The following DYM variants were observed in gnomAD, a reference collection of about 807,000 sequenced individuals.
DYM encodes the protein dyggve-Melchior-Clausen syndrome protein.
In DYM, 78 loss-of-function variants were observed where a neutral mutation model predicts 93.1. The ratio of observed to expected loss-of-function variants is 0.84; its 90% CI spans 0.70 to 1.01. DYM has a LOEUF of 1.01. Among genes scored for constraint, DYM ranks in the 50% least tolerant of loss-of-function variants. The pLI, the probability that DYM is intolerant of heterozygous loss-of-function variation, is 0.00. For synonymous variants in DYM, 321 were observed against 319.7 expected, an observed-to-expected ratio of 1.00 and a Z score of -0.04; for missense variants, 789 against 845.0, an observed-to-expected ratio of 0.93 and a Z score of 0.82.
chr18:49,096,817 A>C (rs2079589491), intron 17 of DYM, among the ~76,000 whole-genome samples: 1 of 152,322 alleles, frequency 6.6e-6, no homozygotes, highest in South Asian at 2.1e-4. Flanking sequence ...GGCACACAGT[A>C]AACAGTGCAG....
At chr18:49,392,210 C>A (rs1232323766) in intron 2 of DYM, among the ~76,000 whole-genome samples, 1 of 151,974 alleles carries the variant, frequency 6.6e-6, no homozygotes, top group Non-Finnish European at 1.5e-5. Context: ...CAAGATGACA[C>A]AGAGAAAAGA....
At chr18:49,279,888 T>C (rs565239494) in intron 10 of DYM, among the ~76,000 whole-genome samples, 2 of 152,364 alleles carry the variant, frequency 1.3e-5, no homozygotes, top group East Asian at 3.9e-4. Context: ...GTCAATCTGA[T>C]GTAGAATACA....
chr18:49,041,180 T>C lies in DYM; in HGVS notation c.*2875A>G, dbSNP rs2070900904. Among the ~76,000 whole-genome samples, 1 of 152,198 alleles carries C rather than the reference T, an allele frequency of 6.6e-6. No homozygotes were observed. Among genetic ancestry groups the C allele is most frequent in the African/African-American group, 2.4e-5 (1 of 41,436 alleles). On this transcript the variant is annotated 3_prime_UTR_variant, in exon 18 of 18. Transcript: ENST00000675505. ...GTTCATAGATTGTATGACACCAGCC[T>C]CAACGGGTGACTGTGGGAACTAGAG...
chr18:49,412,354 C>G (rs2072357020), intron 2 of DYM, among the ~76,000 whole-genome samples: 1 of 152,020 alleles, frequency 6.6e-6, no homozygotes, highest in Non-Finnish European at 1.5e-5. Flanking sequence ...TATATTTCCC[C>G]CATTTAAGCT....
intron 13 of DYM, among the ~76,000 whole-genome samples, chr18:49,255,580 G>T (rs990936522): frequency 4.6e-5 from 7 of 151,684 alleles, no homozygotes; most frequent in African/African-American, 1.7e-4. Context: ...GGCTGAGGCA[G>T]GAGAATCACT....
chr18:49,145,236 T>C (rs1049018194), intron 15 of DYM, among the ~76,000 whole-genome samples: 1 of 150,204 alleles, frequency 6.7e-6, no homozygotes, highest in Non-Finnish European at 1.5e-5. Context: ...ATTACACCCG[T>C]CTTGAAGTAA....
chr18:49,174,847 G>A (rs1156943997), intron 14 of DYM, among the ~76,000 whole-genome samples: 9 of 151,966 alleles, frequency 5.9e-5, no homozygotes, highest in Non-Finnish European at 1.2e-4. Context: ...GAGAGAGAGC[G>A]AGAACTGAGG....
intron 9 of DYM, among the ~76,000 whole-genome samples, chr18:49,282,982 T>C (rs1400666913): frequency 6.6e-6 from 1 of 152,212 alleles, no homozygotes; most frequent in Non-Finnish European, 1.5e-5. Flanking sequence ...TAGACGTTCC[T>C]CAACTTAACA....
chr18:49,214,992 G>A (rs928834408), intron 13 of DYM, among the ~76,000 whole-genome samples: 3 of 152,126 alleles, frequency 2.0e-5, no homozygotes, highest in Non-Finnish European at 2.9e-5. Flanking sequence ...TGAGATGTTC[G>A]CACTGCTCTT....
At chr18:49,442,266 C>T (rs1337247288) in intron 1 of DYM, among the ~76,000 whole-genome samples, 4 of 152,188 alleles carry the variant, frequency 2.6e-5, no homozygotes, top group Admixed American at 1.3e-4. Flanking sequence ...CAAAGCAGCC[C>T]GGGCATGGTG....
At chr18:49,404,549 C>T (rs892278549) in intron 2 of DYM, among the ~76,000 whole-genome samples, 1 of 152,184 alleles carries the variant, frequency 6.6e-6, no homozygotes, top group Non-Finnish European at 1.5e-5. Context: ...GATGTATAAG[C>T]ACTCCCTTTT....
At chr18:49,349,339 A>C (rs376137318) in intron 6 of DYM, among the ~76,000 whole-genome samples, 3 of 152,014 alleles carry the variant, frequency 2.0e-5, no homozygotes, top group African/African-American at 4.8e-5. Flanking sequence ...TCTTGAAATA[A>C]ATTAAAGTTC....
At chr18:49,230,820 C>T (rs2093673148) in intron 13 of DYM, among the ~76,000 whole-genome samples, 1 of 152,160 alleles carries the variant, frequency 6.6e-6, no homozygotes, top group South Asian at 2.1e-4. Flanking sequence ...TATCTACTAT[C>T]AGATAAAATT....
chr18:49,333,295 G>C (rs967418904), intron 7 of DYM, among the ~76,000 whole-genome samples: 3 of 152,194 alleles, frequency 2.0e-5, no homozygotes, highest in African/African-American at 7.2e-5. Context: ...CAGGCTCAAA[G>C]AAGTAGGAAT....
intron 17 of DYM, among the ~76,000 whole-genome samples, chr18:49,076,346 G>C (rs1396049890): frequency 1.3e-5 from 2 of 152,158 alleles, no homozygotes; most frequent in Non-Finnish European, 2.9e-5. Context: ...CAGATATTAT[G>C]CCAAAAGTAA....
Position 49,121,153 on chromosome 18 carries a change from T to C in DYM, c.1729-2227A>G, listed in dbSNP as rs529062966. Among the ~76,000 whole-genome samples the C allele has an allele frequency of 7.2e-5, 11 of 152,310 alleles. No individual in the cohort carries two copies. In the South Asian group the frequency reaches 8.3e-4, roughly 11 times the overall value. On this transcript the variant is annotated intron_variant, in intron 15 of 17. Transcript: ENST00000675505. ...TATAAAAGAACTGTGATCTACAAAA[T>C]TTGTTTGAATTGATTGGGAATTTCA...
At chr18:49,131,500 C>T (rs2144099914) in intron 15 of DYM, among the ~76,000 whole-genome samples, 1 of 152,308 alleles carries the variant, frequency 6.6e-6, no homozygotes, top group East Asian at 1.9e-4. Flanking sequence ...GCTAGGATTA[C>T]AGGCCTAAGC....
chr18:49,138,606 A>T (rs2084106861), intron 15 of DYM, among the ~76,000 whole-genome samples: 1 of 152,212 alleles, frequency 6.6e-6, no homozygotes, highest in Non-Finnish European at 1.5e-5. Flanking sequence ...CAATTTAATC[A>T]GTTCTCCCAA....
chr18:49,199,997 A>T (rs1230116360), intron 14 of DYM, among the ~76,000 whole-genome samples: 6 of 152,130 alleles, frequency 3.9e-5, no homozygotes, highest in African/African-American at 1.4e-4. Flanking sequence ...AAGAAAAAAA[A>T]AGAAGAAAAA....
Sources: gnomAD v4.1 joint callset for allele counts (sites outside exome capture counted in the v4.1 genomes callset) on GRCh38, gnomAD v4.1.1 for gene constraint, MANE v1.5 for transcripts, NCBI Gene and HGNC (gene_info 2026-07-23, HGNC 2026-07-21) for gene names.